The following MUC12 variants were observed in gnomAD, a reference collection of about 807,000 sequenced individuals.
MUC12 encodes the protein mucin-12.
In MUC12, 172 loss-of-function variants were observed where a neutral mutation model predicts 230.8. The ratio of observed to expected loss-of-function variants is 0.75; its 90% CI spans 0.66 to 0.85. The LOEUF (loss-of-function observed/expected upper bound fraction) is 0.85, where lower values mean the gene tolerates loss of function less well. MUC12 is among the 40% of genes least tolerant of loss of function. The pLI is 0.00. For missense variants in MUC12, 3,506 were observed against 5,920.6 expected (o/e 0.59, Z 13.38); for synonymous variants, 1,259 against 2,401.9 (o/e 0.52, Z 13.91).
intron 1 of MUC12, among the ~76,000 whole-genome samples, chr7:100,970,113 G>A (rs1182566633): frequency 6.6e-6 from 1 of 152,308 alleles, no homozygotes; most frequent in Non-Finnish European, 1.5e-5. Context: ...CGGGAGAGAG[G>A]GAGTCCAGAG....
At chr7:100,987,394 G>A (rs1307810701) in intron 1 of MUC12, among the ~76,000 whole-genome samples, 2 of 152,076 alleles carry the variant, frequency 1.3e-5, no homozygotes, top group African/African-American at 4.8e-5. Flanking sequence ...TACAGTTGTA[G>A]CCCTTTGAGT....
At position 100,991,908 on chromosome 7, in the gene MUC12, A is replaced by G. The variant is rs1364398716; in HGVS notation, c.1345A>G (p.Thr449Ala). ...ASHSSPDAMA[T>A]TVLPAGSTPS... The stretch of plus-strand genomic sequence containing the variant: ...CCACAGCAGCCCAGATGCAATGGCA[A>G]CAACAGTCTTACCTGCCGGCTCTAC... The change falls in exon 2 of 12, where the codon ACA becomes GCA. Residue 449 changes from threonine (T) to alanine (A), a missense_variant. By Grantham distance (58) the Thr-to-Ala change is moderately conservative (BLOSUM62 0). Coordinates refer to ENST00000536621, the MANE Select transcript of MUC12 (RefSeq NM_001164462.2). 1.3e-6 allele frequency: 2 copies of G among 1,537,980 alleles called. No individual in the cohort carries two copies. The highest frequency in any genetic ancestry group is 4.9e-5 in the East Asian group (2 of 40,928).
intron 1 of MUC12, among the ~76,000 whole-genome samples, chr7:100,974,754 G>A (rs1007279954): frequency 2.6e-5 from 4 of 152,298 alleles, no homozygotes; most frequent in East Asian, 1.9e-4. Flanking sequence ...GAGCCCAGGA[G>A]GTCGAGACTG....
At position 101,006,453 on chromosome 7, in the gene MUC12, G is replaced by T; in HGVS notation, c.14957-18G>T. On this transcript the variant is annotated intron_variant, in intron 2 of 11. Coordinates refer to ENST00000536621, the MANE Select transcript of MUC12 (RefSeq NM_001164462.2). ...TTGGGCTCCCACGGTGACTGCTGTGGATTCTATCTCTCCACAGGGTTGTGC... is the reference window on the plus strand; with the variant it reads ...TTGGGCTCCCACGGTGACTGCTGTGTATTCTATCTCTCCACAGGGTTGTGC... The T allele has an allele frequency of 6.6e-7, 1 of 1,526,412 alleles. No individual in the cohort carries two copies. The highest frequency in any genetic ancestry group is 8.8e-7 in the Non-Finnish European group (1 of 1,137,082). 94.6% of individuals were successfully genotyped at this position (1,526,412 alleles called of 1,614,324 possible).
Position 100,995,562 on chromosome 7 carries a change from A to G in MUC12, c.4999A>G (p.Thr1667Ala). Residue 1667 changes from threonine to alanine, a missense_variant, in exon 2 of 12, where the codon ACT becomes GCT. Physicochemically the swap from Thr to Ala is moderately conservative, Grantham distance 58. Coordinates refer to ENST00000536621, the MANE Select transcript of MUC12 (RefSeq NM_001164462.2). The stretch of plus-strand genomic sequence containing the variant: ...AGCATCTACGCCCGTCCACAGCAGC[A>G]CTGGATCGCCACACACAACACTGTC... ...LEASTPVHSSTGSPHTTLSPA... is the reference protein window; with the variant it reads ...LEASTPVHSSAGSPHTTLSPA... 5 of 1,536,254 alleles carry G rather than the reference A, an allele frequency of 3.3e-6. No homozygotes were observed. The highest frequency in any genetic ancestry group is 3.5e-6 in the Non-Finnish European group (4 of 1,146,870).
chr7:100,989,810 C>G (rs1793250464), intron 1 of MUC12, among the ~76,000 whole-genome samples: 1 of 152,030 alleles, frequency 6.6e-6, no homozygotes, highest in Non-Finnish European at 1.5e-5. Flanking sequence ...CATGCCCTAG[C>G]CTCCCAAGTA....
chr7:100,976,294 A>G (rs1370301338), intron 1 of MUC12, among the ~76,000 whole-genome samples: 1 of 150,856 alleles, frequency 6.6e-6, no homozygotes, highest in Non-Finnish European at 1.5e-5. Context: ...ATAAAAAAAT[A>G]TATATATGTA....
At position 101,005,097 on chromosome 7, in the gene MUC12, G is replaced by A. The variant is rs1239063860; in HGVS notation, c.14534G>A (p.Gly4845Asp). The change falls in exon 2 of 12, where the codon GGC (glycine) becomes GAC (aspartate). Residue 4845 changes from glycine (G) to aspartate (D), a missense_variant. Gly to Asp is a moderately conservative substitution (Grantham distance 94). Coordinates refer to ENST00000536621, the MANE Select transcript of MUC12 (RefSeq NM_001164462.2). ...TVSPASTTVP[G>D]LSEESTTFYS... ...TCACCTGCCAGCACCACAGTGCCAGGCCTTAGTGAGGAATCTACCACCTTC... is the reference window on the plus strand; with the variant it reads ...TCACCTGCCAGCACCACAGTGCCAGACCTTAGTGAGGAATCTACCACCTTC... The A allele has an allele frequency of 6.5e-7, 1 of 1,537,880 alleles. No individual in the cohort carries two copies. The highest frequency in any genetic ancestry group is 1.4e-5 in the African/African-American group (1 of 73,144).
Position 101,012,828 on chromosome 7 carries a change from T to C in MUC12, c.15413T>C (p.Leu5138Pro). ...LDPDSCRKAILCYSEEDTFVD... is the reference protein window; with the variant it reads ...LDPDSCRKAIPCYSEEDTFVD... ...CATCCACTCTCGGCAGAGGCCATAC[T>C]GTGCTATAGTGAAGAGGACACTTTC... Residue 5138 changes from leucine (L) to proline (P), a missense_variant, in exon 7 of 12, where the codon CTG (leucine) becomes CCG (proline). By Grantham distance (98) the Leu-to-Pro change is moderately conservative. Transcript: ENST00000536621. The C allele has an allele frequency of 6.5e-7, 1 of 1,537,268 alleles. No homozygotes were observed. The highest frequency in any genetic ancestry group is 8.7e-7 in the Non-Finnish European group (1 of 1,146,916).
At chr7:101,017,764 T>TCCCCCTGGGACTCCCTCCC in intron 11 of MUC12, 101 bp downstream of exon 11, 4 of 662,370 alleles carry the variant, frequency 6.0e-6, no homozygotes, top group Non-Finnish European at 8.7e-6. Flanking sequence ...GACTCCCTTC[T>TCCCCCTGGGACTCCCTCCC]CCCCCTGGGA....
chr7:100,974,694 G>A (rs1187136067), intron 1 of MUC12, among the ~76,000 whole-genome samples: 1 of 152,394 alleles, frequency 6.6e-6, no homozygotes. Context: ...GTGTGGTGGT[G>A]TGCGCCTGTA....
chr7:101,009,863 G>A (rs1421598833), intron 5 of MUC12, among the ~76,000 whole-genome samples: 2 of 152,168 alleles, frequency 1.3e-5, no homozygotes, highest in African/African-American at 4.8e-5. Context: ...GAGCAAAGGA[G>A]CAGTGATGGG....
intron 1 of MUC12, among the ~76,000 whole-genome samples, chr7:100,975,511 T>C (rs1395460778): frequency 6.6e-6 from 1 of 152,198 alleles, no homozygotes; most frequent in African/African-American, 2.4e-5. Flanking sequence ...CAAAGAGTAA[T>C]AAACTTATTC....
At chr7:101,006,721 C>T (rs867685945) in intron 3 of MUC12, 149 bp downstream of exon 3, 2 of 603,224 alleles carry the variant, frequency 3.3e-6, no homozygotes, top group South Asian at 2.1e-5. Context: ...GAACATGAAC[C>T]TTCTACCTTT....
intron 3 of MUC12, among the ~76,000 whole-genome samples, chr7:101,007,106 G>A (rs1288884010): frequency 1.3e-5 from 2 of 152,068 alleles, no homozygotes; most frequent in Non-Finnish European, 2.9e-5. Context: ...TTAGAGGCAT[G>A]GGCCACCATG....
At chr7:100,972,863 C>T (rs1792935976) in intron 1 of MUC12, 1 of 702,780 alleles carries the variant, frequency 1.4e-6, no homozygotes, top group Non-Finnish European at 2.6e-6. Context: ...CTCCAGGGCA[C>T]ATTGTGGACT....
chr7:101,010,774 A>G (rs1007868601), intron 5 of MUC12, among the ~76,000 whole-genome samples: 1 of 151,836 alleles, frequency 6.6e-6, no homozygotes, highest in African/African-American at 2.4e-5. Flanking sequence ...CTTGGCCTCC[A>G]AAAATGCTGG....
chr7:100,992,500 C>A lies in MUC12; in HGVS notation c.1937C>A (p.Ala646Glu), dbSNP rs192297724. Residue 646 changes from alanine to glutamate, a missense_variant, in exon 2 of 12, where the codon GCA becomes GAA. Coordinates refer to ENST00000536621, the MANE Select transcript of MUC12 (RefSeq NM_001164462.2). The stretch of plus-strand genomic sequence containing the variant: ...CCAAGCTCAAAGGACACTAGGCCTG[C>A]ACCTCCTACTACCACATCAGCCTTT... ...SWPSSKDTRPAPPTTTSAFVE... is the reference protein window; with the variant it reads ...SWPSSKDTRPEPPTTTSAFVE... 2.7e-4 allele frequency: 420 copies of A among 1,537,898 alleles called. 2 individuals carry two copies. In the African/African-American group the frequency reaches 4.8e-3, roughly 17 times the overall value.
At chr7:101,005,569 C>A in intron 2 of MUC12, 50 bp downstream of exon 2, 1 of 1,485,130 alleles carries the variant, frequency 6.7e-7, no homozygotes. Context: ...CCAGGCCTGT[C>A]CATGAGTCTT....
Sources: gnomAD v4.1 joint callset for allele counts (sites outside exome capture counted in the v4.1 genomes callset) on GRCh38, gnomAD v4.1.1 for gene constraint, MANE v1.5 for transcripts, NCBI Gene and HGNC (gene_info 2026-07-23, HGNC 2026-07-21) for gene names.